The following PSME4 variants were observed in gnomAD, a reference collection of about 807,000 sequenced individuals.
The protein encoded by PSME4 is proteasome activator complex subunit 4.
In PSME4, 89 loss-of-function variants were observed where a neutral mutation model predicts 253.9. The ratio of observed to expected loss-of-function variants is 0.35; its 90% CI spans 0.30 to 0.42. The LOEUF is 0.42. PSME4 is among the 10% of genes least tolerant of loss of function. The pLI is 1.00. For missense variants in PSME4, 2,014 were observed against 2,195.2 expected (o/e 0.92, Z 1.65); for synonymous variants, 851 against 759.2 (o/e 1.12, Z -1.99).
chr2:53,906,494 A>C (rs1680665128), intron 26 of PSME4, 104 bp downstream of exon 26: 1 of 1,379,216 alleles, frequency 7.3e-7, no homozygotes, highest in South Asian at 2.2e-5. Context: ...AATAATTCCA[A>C]TTATGGGTGA....
At chr2:53,924,810 A>T (rs768252221) in intron 14 of PSME4, among the ~76,000 whole-genome samples, 4 of 152,128 alleles carry the variant, frequency 2.6e-5, no homozygotes, top group African/African-American at 7.2e-5. Context: ...GTCATGTTCT[A>T]TAAATTTGCT....
chr2:53,896,516 T>C (rs1180567190), intron 32 of PSME4, among the ~76,000 whole-genome samples: 1 of 152,150 alleles, frequency 6.6e-6, no homozygotes, highest in Non-Finnish European at 1.5e-5. Context: ...GAGAAACATT[T>C]AACAAATTAA....
chr2:53,868,313 G>A (rs28699646), intron 44 of PSME4, among the ~76,000 whole-genome samples: 16,271 of 150,734 alleles, frequency 0.11, 1,371 homozygotes, highest in African/African-American at 0.24. Context: ...TTAGCCAGGT[G>A]TAGTAGCGCG....
At chr2:53,874,635 C>T (rs13417051) in intron 42 of PSME4, 141 bp from the exon 43 acceptor site, 58,764 of 886,438 alleles carry the variant, frequency 0.066, 3,128 homozygotes, top group African/African-American at 0.24. Flanking sequence ...GCTCATATTT[C>T]GTTATAAATA....
chr2:53,948,347 A>G, intron 3 of PSME4, 74 bp downstream of exon 3: 5 of 888,456 alleles, frequency 5.6e-6, no homozygotes, highest in Middle Eastern at 2.2e-4. Context: ...ACAACTCAAT[A>G]TTTTTCAATC....
chr2:53,941,656 T>G (rs1248369654), intron 3 of PSME4, among the ~76,000 whole-genome samples: 1 of 152,114 alleles, frequency 6.6e-6, no homozygotes, highest in Non-Finnish European at 1.5e-5. Context: ...AAGTATAGAA[T>G]TAACAGCTAA....
At position 53,906,706 on chromosome 2, in the gene PSME4, T is replaced by C. The variant is rs1279266930; in HGVS notation, c.2848-13A>G. The C allele has an allele frequency of 1.3e-6, 2 of 1,594,542 alleles. No individual in the cohort carries two copies. The highest frequency in any genetic ancestry group is 2.2e-5 in the East Asian group (1 of 44,730). ...TTAGTGTCCGTAGCTAAGAAAACAATCGCAAACATTTACTAAAATTTGATT... is the reference window on the plus strand; with the variant it reads ...TTAGTGTCCGTAGCTAAGAAAACAACCGCAAACATTTACTAAAATTTGATT... On this transcript the variant is annotated splice_polypyrimidine_tract_variant and intron_variant, in intron 25 of 46. Transcript: ENST00000404125.
At chr2:53,942,089 C>T (rs1669480702) in intron 3 of PSME4, 1 of 152,514 alleles carries the variant, frequency 6.6e-6, no homozygotes, top group African/African-American at 2.4e-5. Context: ...ATTTCAACCC[C>T]TTCTTAAATA....
intron 20 of PSME4, among the ~76,000 whole-genome samples, chr2:53,916,073 C>T (rs564293159): frequency 2.0e-5 from 3 of 151,812 alleles, no homozygotes; most frequent in African/African-American, 7.2e-5. Context: ...AAAACTCCAC[C>T]TCAAAAAAAA....
At chr2:53,898,118 G>C in intron 30 of PSME4, 119 bp from the exon 31 acceptor site, 1 of 1,278,216 alleles carries the variant, frequency 7.8e-7, no homozygotes, top group Non-Finnish European at 1.1e-6. Context: ...GTCTAGTGAA[G>C]AATACTGCTC....
At chr2:53,867,974 A>T (rs954400111) in intron 44 of PSME4, among the ~76,000 whole-genome samples, 3 of 152,174 alleles carry the variant, frequency 2.0e-5, no homozygotes, top group Admixed American at 1.3e-4. Flanking sequence ...GTGGTTTCAA[A>T]TTCTCAGTTC....
chr2:53,876,271 T>C (rs1472314806), intron 41 of PSME4, among the ~76,000 whole-genome samples: 1 of 152,174 alleles, frequency 6.6e-6, no homozygotes, highest in Non-Finnish European at 1.5e-5. Flanking sequence ...CCCCCGCAAC[T>C]ATCTTAAAAT....
intron 41 of PSME4, among the ~76,000 whole-genome samples, chr2:53,884,005 T>C (rs1435275220): frequency 6.6e-6 from 1 of 152,204 alleles, no homozygotes; most frequent in East Asian, 1.9e-4. Flanking sequence ...GCTCCTCTCA[T>C]GGTTTAGTAA....
chr2:53,926,718 A>C (rs1353334037), intron 12 of PSME4, among the ~76,000 whole-genome samples: 1 of 151,810 alleles, frequency 6.6e-6, no homozygotes, highest in Non-Finnish European at 1.5e-5. Context: ...TCACATCTGT[A>C]ATCTCAGCAT....
At chr2:53,868,241 G>A (rs1678667406) in intron 44 of PSME4, among the ~76,000 whole-genome samples, 1 of 151,506 alleles carries the variant, frequency 6.6e-6, no homozygotes, top group Non-Finnish European at 1.5e-5. Context: ...TGGATCACTT[G>A]AGGTCAGGAG....
chr2:53,924,863 G>T (rs1464172057), intron 14 of PSME4, among the ~76,000 whole-genome samples: 2 of 152,134 alleles, frequency 1.3e-5, no homozygotes, highest in Admixed American at 1.3e-4. Context: ...GCTCCCAGGG[G>T]AAATACAGGA....
intron 8 of PSME4, among the ~76,000 whole-genome samples, chr2:53,934,326 C>T (rs978070238): frequency 2.0e-5 from 3 of 152,218 alleles, no homozygotes; most frequent in Admixed American, 6.5e-5. Context: ...TTCCGGGCTA[C>T]AAGTCTGGTT....
intron 27 of PSME4, among the ~76,000 whole-genome samples, chr2:53,903,614 G>A (rs775946123): frequency 3.3e-5 from 5 of 151,802 alleles, no homozygotes; most frequent in Non-Finnish European, 5.9e-5. Flanking sequence ...CTTCACACTG[G>A]TCATACTACT....
At chr2:53,956,003 G>T (rs768841477) in intron 1 of PSME4, among the ~76,000 whole-genome samples, 1 of 151,980 alleles carries the variant, frequency 6.6e-6, no homozygotes, top group East Asian at 2.0e-4. Flanking sequence ...AGTGGCTCAC[G>T]CCTATAATCC....
Sources: allele counts gnomAD v4.1 joint callset (sites outside exome capture counted in the v4.1 genomes callset), GRCh38; gene constraint gnomAD v4.1.1; transcripts MANE v1.5; gene names NCBI Gene and HGNC (gene_info 2026-07-23, HGNC 2026-07-21).